The following USP12 variants were observed in gnomAD, a reference collection of about 807,000 sequenced individuals.
USP12 encodes the protein ubiquitin specific peptidase 12, also known as ubiquitin carboxyl-terminal hydrolase 12.
In USP12, 19 loss-of-function variants were observed where a neutral mutation model predicts 45.5. The observed-to-expected ratio is 0.42, with a 90% CI of 0.29 to 0.61. USP12 has a LOEUF of 0.61. USP12 is among the 20% of genes least tolerant of loss of function. The pLI is 0.22. For synonymous variants in USP12, 149 were observed against 148.8 expected, an observed-to-expected ratio of 1.00 and a Z score of -0.01; for missense variants, 242 against 447.7, an observed-to-expected ratio of 0.54 and a Z score of 4.15.
At chr13:27,076,670 A>G (rs1384568869) in intron 6 of USP12, among the ~76,000 whole-genome samples, 1 of 152,224 alleles carries the variant, frequency 6.6e-6, no homozygotes, top group African/African-American at 2.4e-5. Context: ...ACTGAATTTT[A>G]AATGGGTCTG....
chr13:27,170,731 G>T (rs1034852386), intron 1 of USP12, among the ~76,000 whole-genome samples: 1 of 152,202 alleles, frequency 6.6e-6, no homozygotes, highest in Non-Finnish European at 1.5e-5. Flanking sequence ...GGCGGTCCCC[G>T]CACAGACAGA....
At chr13:27,162,434 C>T (rs1222607185) in intron 1 of USP12, among the ~76,000 whole-genome samples, 1 of 152,160 alleles carries the variant, frequency 6.6e-6, no homozygotes, top group Non-Finnish European at 1.5e-5. Flanking sequence ...GAAATTTGGA[C>T]CCCATCCCTA....
intron 1 of USP12, among the ~76,000 whole-genome samples, chr13:27,142,989 A>G (rs1877134023): frequency 6.6e-6 from 1 of 151,898 alleles, no homozygotes; most frequent in African/African-American, 2.4e-5. Flanking sequence ...GCTACTTGGG[A>G]GGCTGAGGCA....
At chr13:27,147,353 T>C (rs1416747573) in intron 1 of USP12, among the ~76,000 whole-genome samples, 1 of 152,196 alleles carries the variant, frequency 6.6e-6, no homozygotes, top group African/African-American at 2.4e-5. Flanking sequence ...GAATGTCTTC[T>C]ATGAGAATGC....
intron 6 of USP12, among the ~76,000 whole-genome samples, chr13:27,078,430 T>C (rs1364586085): frequency 1.3e-5 from 2 of 152,022 alleles, no homozygotes; most frequent in South Asian, 2.1e-4. Flanking sequence ...ATACGGAGCA[T>C]AACTGTATGC....
At chr13:27,114,988 T>C (rs1018290857) in intron 2 of USP12, among the ~76,000 whole-genome samples, 13 of 152,288 alleles carry the variant, frequency 8.5e-5, no homozygotes, top group African/African-American at 3.1e-4. Context: ...CTCTACTAGC[T>C]CTGCTGCATC....
At chr13:27,127,116 CA>C (rs955849041) in intron 1 of USP12, among the ~76,000 whole-genome samples, 12 of 152,120 alleles carry the variant, frequency 7.9e-5, no homozygotes, top group African/African-American at 2.9e-4. Flanking sequence ...TATGTTAAAA[CA>C]AAAAACAAGC....
In USP12 at chr13:27,150,381, A is replaced by G. The variant is rs146799992; in HGVS notation, c.48+21211T>C. The stretch of plus-strand genomic sequence containing the variant: ...AAAAAGAGAATGACATATAAAAGAA[A>G]AAAACATTTCAGAGTTTCAAAACTC... On this transcript the variant is annotated intron_variant, in intron 1 of 8. Transcript: ENST00000282344. Among the ~76,000 whole-genome samples the G allele has an allele frequency of 2.6e-5, 4 of 152,338 alleles. No homozygotes were observed. In the East Asian group the frequency reaches 7.7e-4, roughly 29 times the overall value.
chr13:27,130,181 A>C (rs1324773291), intron 1 of USP12, among the ~76,000 whole-genome samples: 1 of 152,166 alleles, frequency 6.6e-6, no homozygotes, highest in African/African-American at 2.4e-5. Context: ...TCAACAATTT[A>C]GGATTGTGCA....
chr13:27,137,692 T>C (rs1474123383), intron 1 of USP12, among the ~76,000 whole-genome samples: 1 of 152,206 alleles, frequency 6.6e-6, no homozygotes, highest in Non-Finnish European at 1.5e-5. Context: ...CCTGCTAGTA[T>C]CCATGCCTTT....
intron 2 of USP12, among the ~76,000 whole-genome samples, chr13:27,111,803 G>A (rs1336479888): frequency 1.3e-5 from 2 of 152,132 alleles, no homozygotes; most frequent in Non-Finnish European, 2.9e-5. Context: ...AGTCTTAAGT[G>A]AGAGCAATGA....
intron 8 of USP12, 44 bp downstream of exon 8, chr13:27,071,025 CAT>C (rs1233418126): frequency 3.4e-6 from 5 of 1,484,106 alleles, no homozygotes; most frequent in Non-Finnish European, 4.6e-6. Context: ...TGAAAAGCAA[CAT>C]ATGCATACAA....
chr13:27,090,597 A>C (rs1480701614), intron 4 of USP12, among the ~76,000 whole-genome samples: 1 of 152,200 alleles, frequency 6.6e-6, no homozygotes. Flanking sequence ...TTTGTGACTG[A>C]CTTTATTTCT....
chr13:27,171,646 A>T lies in USP12; in HGVS notation c.-7T>A. 7.9e-7 allele frequency: 1 copy of T among 1,271,072 alleles called. No homozygotes were observed. The highest frequency in any genetic ancestry group is 6.2e-5 in the East Asian group (1 of 16,032). 78.7% of individuals were successfully genotyped at this position (1,271,072 alleles called of 1,614,324 possible). A position where few individuals can be genotyped will look rare whatever the true frequency, so the allele number is the denominator to read the frequency against. ...CTGTCATTAGGATTTCCATCCGGCC[A>T]GCGCCATCTTCCACCCAATCACAGC... On this transcript the variant is annotated 5_prime_UTR_variant, in exon 1 of 9. Transcript: ENST00000282344.
chr13:27,171,099 C>G (rs1878579849), intron 1 of USP12, among the ~76,000 whole-genome samples: 1 of 151,288 alleles, frequency 6.6e-6, no homozygotes, highest in Non-Finnish European at 1.5e-5. Context: ...CCCCACCCCT[C>G]CCGGGGACCC....
chr13:27,151,619 C>T (rs970396325), intron 1 of USP12, among the ~76,000 whole-genome samples: 5 of 151,820 alleles, frequency 3.3e-5, no homozygotes, highest in African/African-American at 7.3e-5. Context: ...CCCATCTCTA[C>T]AAAAAGTAAA....
intron 1 of USP12, among the ~76,000 whole-genome samples, chr13:27,154,857 C>G (rs541244651): frequency 6.6e-6 from 1 of 151,920 alleles, no homozygotes; most frequent in African/African-American, 2.4e-5. Context: ...GGACAGTCGC[C>G]GTCCGAGGGA....
intron 4 of USP12, among the ~76,000 whole-genome samples, chr13:27,092,845 TGAAA>T (rs1337934846): frequency 3.9e-5 from 6 of 152,148 alleles, no homozygotes; most frequent in African/African-American, 1.4e-4. Context: ...GTATAATGCA[TGAAA>T]GAAAAAGTTG....
rs1473155950 is a variant in USP12, at chr13:27,105,750, T to C, written c.324A>G (p.Thr108=). 1.2e-6 allele frequency: 2 copies of C among 1,613,374 alleles called. No individual in the cohort carries two copies. Among genetic ancestry groups the C allele is most frequent in the Non-Finnish European group, 1.7e-6 (2 of 1,179,654 alleles). ...VGVIPPKKFI[T]RLRKENELFD... is the part of the protein sequence containing the mutation. ...AATTACCATTTTCTTTCCGTAATCTTGTGATGAACTTCTTAGGGGGTATTA... is the reference window on the plus strand; with the variant it reads ...AATTACCATTTTCTTTCCGTAATCTCGTGATGAACTTCTTAGGGGGTATTA... Residue 108 remains threonine, a synonymous_variant, in exon 3 of 9, where the codon ACA becomes ACG. Transcript: ENST00000282344.
Sources: allele counts gnomAD v4.1 joint callset (sites outside exome capture counted in the v4.1 genomes callset), GRCh38; gene constraint gnomAD v4.1.1; transcripts MANE v1.5; gene names NCBI Gene and HGNC (gene_info 2026-07-23, HGNC 2026-07-21).